TCEANC: variants seen among roughly 807,000 people sequenced by gnomAD.
The protein encoded by TCEANC is transcription elongation factor A N-terminal and central domain-containing protein.
In TCEANC, 8 loss-of-function variants were observed where a neutral mutation model predicts 8.7. The ratio of observed to expected loss-of-function variants is 0.92; its 90% CI spans 0.54 to 1.65. The LOEUF (loss-of-function observed/expected upper bound fraction) is 1.65, where lower values mean the gene tolerates loss of function less well. Among genes scored for constraint, TCEANC ranks in the 40% most tolerant of loss-of-function variants. TCEANC has a pLI of 0.00. For missense variants in TCEANC, 255 were observed against 251.9 expected, an observed-to-expected ratio of 1.01 and a Z score of -0.08; for synonymous variants, 78 against 92.9, an observed-to-expected ratio of 0.84 and a Z score of 0.92.
chrX:13,662,491 T>C lies in TCEANC; in HGVS notation c.-8-10T>C. ...ACTTAAGAAAACTGAAACCTCTTTTTTCTTTGCAGCTGTAAAGATGTCTGA... is the reference window on the plus strand; with the variant it reads ...ACTTAAGAAAACTGAAACCTCTTTTCTCTTTGCAGCTGTAAAGATGTCTGA... On this transcript the variant is annotated splice_polypyrimidine_tract_variant and intron_variant, in intron 1 of 1. Coordinates refer to ENST00000380600, the Ensembl canonical transcript of TCEANC. 8.5e-7 allele frequency: 1 copy of C among 1,177,313 alleles called. No homozygotes were observed. The highest frequency in any genetic ancestry group is 3.0e-5 in the East Asian group (1 of 33,541).
At chrX:13,660,591 A>G (rs2045959324) in intron 1 of TCEANC, among the ~76,000 whole-genome samples, 2 of 112,402 alleles carry the variant, frequency 1.8e-5, no homozygotes, top group Admixed American at 9.4e-5. Context: ...GCTCAGCATA[A>G]TGTTTTCAAG....
At chrX:13,663,696 A>C in exon 2 of TCEANC, 1 of 618,572 alleles carries the variant, frequency 1.6e-6, no homozygotes, top group Non-Finnish European at 2.4e-6. Context: ...TCGTTAGCTG[A>C]AGCTGCCACC....
chrX:13,658,643 A>G (rs2045942713), intron 1 of TCEANC, among the ~76,000 whole-genome samples: 1 of 110,792 alleles, frequency 9.0e-6, no homozygotes, highest in African/African-American at 3.3e-5. Flanking sequence ...AAATGTGAAT[A>G]TCGTCTCTTA....
At chrX:13,663,151 A>G in exon 2 of TCEANC, 1 of 1,207,013 alleles carries the variant, frequency 8.3e-7, no homozygotes, top group Non-Finnish European at 1.1e-6. Flanking sequence ...CCTTTATTCA[A>G]AGAACATCAA....
chrX:13,660,316 G>C (rs928639102), intron 1 of TCEANC, among the ~76,000 whole-genome samples: 3 of 111,736 alleles, frequency 2.7e-5, no homozygotes, highest in African/African-American at 9.8e-5. Context: ...TTCACCTAAA[G>C]TGTACAATTC....
Position 13,661,024 on chromosome X carries a change from T to G in TCEANC, c.-8-1477T>G, listed in dbSNP as rs1197537625. Among the ~76,000 whole-genome samples, 1 of 110,999 alleles carries G rather than the reference T, an allele frequency of 9.0e-6. No homozygotes were observed. Among genetic ancestry groups the G allele is most frequent in the Non-Finnish European group, 1.9e-5 (1 of 52,940 alleles). Reference sequence around the variant, plus strand: ...CACACCCGGCTAATTTTTTGTATTTTTAGTAGAGATGGGGTTTCACCATGT... The same window carrying G: ...CACACCCGGCTAATTTTTTGTATTTGTAGTAGAGATGGGGTTTCACCATGT... On this transcript the variant is annotated intron_variant, in intron 1 of 1. Transcript: ENST00000380600.
At chrX:13,656,221 C>G (rs2045923221) in intron 1 of TCEANC, among the ~76,000 whole-genome samples, 2 of 112,106 alleles carry the variant, frequency 1.8e-5, no homozygotes, top group South Asian at 7.3e-4. Flanking sequence ...TGTAACTGGC[C>G]AGTTTCTTGT....
chrX:13,663,341 T>C (rs1602680622), exon 2 of TCEANC: 1 of 1,196,010 alleles, frequency 8.4e-7, no homozygotes. Context: ...GAATCTTGTA[T>C]CCAGGAACAT....
At chrX:13,660,610 A>G (rs2045959560) in intron 1 of TCEANC, among the ~76,000 whole-genome samples, 1 of 112,703 alleles carries the variant, frequency 8.9e-6, no homozygotes, top group Non-Finnish European at 1.9e-5. Context: ...AGGTTCATCC[A>G]TGTTGTAACT....
intron 1 of TCEANC, among the ~76,000 whole-genome samples, chrX:13,660,468 A>G (rs1569217197): frequency 9.0e-6 from 1 of 111,646 alleles, no homozygotes; most frequent in Non-Finnish European, 1.9e-5. Flanking sequence ...CTTCTGCCCT[A>G]CCCTACCTAG....
chrX:13,662,841 G>C lies in TCEANC; in HGVS notation c.333G>C (p.Gln111His), dbSNP rs147604588. 1.7e-4 allele frequency: 201 copies of C among 1,210,196 alleles called. 3 individuals are homozygous for C. In the East Asian group the frequency reaches 5.9e-3, roughly 35 times the overall value. The change falls in exon 2 of 2, where the codon CAG becomes CAC. Residue 111 changes from glutamine (Q) to histidine (H), a missense_variant. Transcript: ENST00000380600. ...CAGGACCTTCTCATGACCCAAGTCA[G>C]AATGAGACACTGGGCATCTGCAGCT...
chrX:13,662,890 G>A (rs765543086), exon 2 of TCEANC: 49 of 1,209,997 alleles, frequency 4.0e-5, no homozygotes, highest in Non-Finnish European at 5.0e-5. Flanking sequence ...TTCCCAAGAC[G>A]TTGCAAAACT....
At chrX:13,655,535 A>G (rs777204860) in intron 1 of TCEANC, among the ~76,000 whole-genome samples, 162 bp downstream of exon 2, 23 of 112,570 alleles carry the variant, frequency 2.0e-4, no homozygotes, top group African/African-American at 7.4e-4. Flanking sequence ...AGCCAGTCAT[A>G]GAGTTGTCTG....
At chrX:13,654,681 G>A (rs1346267944), upstream of TCEANC, among the ~76,000 whole-genome samples, 1 of 111,350 alleles carries the variant, frequency 9.0e-6, no homozygotes. Flanking sequence ...CCATTTTGTA[G>A]ATGAGGAAAT....
intron 1 of TCEANC, among the ~76,000 whole-genome samples, chrX:13,657,818 A>C (rs1377398055): frequency 9.6e-6 from 1 of 104,560 alleles, no homozygotes; most frequent in East Asian, 3.0e-4. Flanking sequence ...AAAAAAAAAA[A>C]AAAAAAAAAC....
intron 1 of TCEANC, among the ~76,000 whole-genome samples, 27 bp from the exon 4 acceptor site, chrX:13,661,004 C>T (rs1012881144): frequency 9.0e-6 from 1 of 110,984 alleles, no homozygotes. Flanking sequence ...GCCACCACAC[C>T]CGGCTAATTT....
exon 2 of TCEANC, chrX:13,663,309 G>T: frequency 8.4e-7 from 1 of 1,197,279 alleles, no homozygotes; most frequent in Non-Finnish European, 1.1e-6. Context: ...AGGAACTGAA[G>T]CAGTTGAGAG....
intron 1 of TCEANC, 138 bp downstream of exon 3, chrX:13,659,906 T>G (rs1384760732): frequency 8.9e-6 from 1 of 112,275 alleles, no homozygotes; most frequent in Admixed American, 9.4e-5. Context: ...ATTGCAGGTG[T>G]GAGCCACCAC....
At chrX:13,664,525 TTTTTTGTTTTTG>T (rs374135383) in exon 2 of TCEANC, 2 of 123,037 alleles carry the variant, frequency 1.6e-5, no homozygotes. Context: ...TTCGTAGTTG[TTTTTTGTTTTTG>T]TTTTTGTTTT....
Sources: allele counts gnomAD v4.1 joint callset (sites outside exome capture counted in the v4.1 genomes callset), GRCh38; gene constraint gnomAD v4.1.1; transcripts MANE v1.5; gene names NCBI Gene and HGNC (gene_info 2026-07-23, HGNC 2026-07-21).